XRCC4: variants seen among roughly 807,000 people sequenced by gnomAD.
The protein encoded by XRCC4 is DNA repair protein XRCC4.
XRCC4 carries 28 observed loss-of-function variants against 39.1 expected under a neutral mutation model. The observed-to-expected ratio is 0.72, with a 90% confidence interval of 0.53 to 0.98. XRCC4 has a LOEUF of 0.98. Ranked by LOEUF, XRCC4 falls within the 50% of genes least tolerant of loss-of-function variation. XRCC4 has a pLI of 0.00. For synonymous variants in XRCC4, 123 were observed against 126.4 expected (o/e 0.97, Z 0.18); for missense variants, 350 against 376.4 (o/e 0.93, Z 0.58).
At chr5:83,364,809 G>T in the XRCC4 span, among the ~76,000 whole-genome samples, 4 of 152,210 alleles carry the variant, frequency 2.6e-5, no homozygotes, top group African/African-American at 9.6e-5. Flanking sequence ...AAAGCAGGAC[G>T]CTGACTTTGA....
chr5:83,156,500 C>T (rs1482804037), intron 3 of XRCC4, among the ~76,000 whole-genome samples: 2 of 151,870 alleles, frequency 1.3e-5, no homozygotes. Context: ...TTGTGATAAT[C>T]GTATTTCATT....
At chr5:83,288,148 C>A (rs1185486678) in intron 7 of XRCC4, among the ~76,000 whole-genome samples, 1 of 151,784 alleles carries the variant, frequency 6.6e-6, no homozygotes, top group Non-Finnish European at 1.5e-5. Context: ...TTTATGATTT[C>A]TATTCTTAAT....
intron 3 of XRCC4, among the ~76,000 whole-genome samples, chr5:83,183,642 G>C (rs1750305807): frequency 6.6e-6 from 1 of 151,998 alleles, no homozygotes; most frequent in African/African-American, 2.4e-5. Flanking sequence ...ATTTTTGTTT[G>C]TTTGTTTTGT....
intron 4 of XRCC4, among the ~76,000 whole-genome samples, chr5:83,200,841 G>GT (rs997630202): frequency 6.6e-6 from 1 of 151,974 alleles, no homozygotes; most frequent in African/African-American, 2.4e-5. Context: ...TTTTTGTTGT[G>GT]TTTTTTTGAA....
chr5:83,244,693 T>C (rs540119733), intron 6 of XRCC4, among the ~76,000 whole-genome samples: 217 of 152,252 alleles, frequency 1.4e-3, no homozygotes, highest in African/African-American at 4.9e-3. Flanking sequence ...ATGAGGTCAT[T>C]GTGGTCTGCC....
intron 1 of XRCC4, among the ~76,000 whole-genome samples, chr5:83,091,112 C>A (rs1352769512): frequency 6.6e-6 from 1 of 152,112 alleles, no homozygotes; most frequent in Non-Finnish European, 1.5e-5. Context: ...ACTTATTTCT[C>A]ATATATAACT....
chr5:83,226,688 C>T (rs186702161), intron 6 of XRCC4, among the ~76,000 whole-genome samples: 2 of 152,020 alleles, frequency 1.3e-5, no homozygotes, highest in Non-Finnish European at 2.9e-5. Flanking sequence ...GATCTGTGCC[C>T]GAATTTATCT....
rs183094740 is a variant in XRCC4, at chr5:83,186,033, A to G, written c.316-9737A>G. ...GACAAACACTTTCTGAACTCTTACT[A>G]TGAGCATAGAGCTTATGCTTGGGGT... On this transcript the variant is annotated intron_variant, in intron 3 of 7. Coordinates refer to ENST00000396027, the MANE Select transcript of XRCC4 (RefSeq NM_003401.5). Among the ~76,000 whole-genome samples, 62 of 152,290 alleles carry G rather than the reference A, an allele frequency of 4.1e-4. No homozygotes were observed. In the East Asian group the frequency reaches 0.01, roughly 26 times the overall value.
At chr5:83,365,834 G>A in the XRCC4 span, among the ~76,000 whole-genome samples, 18 of 152,274 alleles carry the variant, frequency 1.2e-4, no homozygotes, top group African/African-American at 2.6e-4. Flanking sequence ...TGATCTTTCC[G>A]ATAGCTTCAT....
intron 6 of XRCC4, among the ~76,000 whole-genome samples, chr5:83,238,967 A>G (rs1484623246): frequency 1.3e-5 from 2 of 152,214 alleles, no homozygotes; most frequent in Non-Finnish European, 2.9e-5. Context: ...CTCTTTAGAA[A>G]AGATGTTTAA....
At chr5:83,292,420 G>A in intron 7 of XRCC4, among the ~76,000 whole-genome samples, 1 of 151,912 alleles carries the variant, frequency 6.6e-6, no homozygotes, top group South Asian at 2.1e-4. Context: ...TTCTGCTGAA[G>A]AATTCAGTGT....
intron 3 of XRCC4, among the ~76,000 whole-genome samples, chr5:83,131,572 T>C (rs964934220): frequency 3.3e-5 from 5 of 152,212 alleles, no homozygotes; most frequent in African/African-American, 4.8e-5. Flanking sequence ...CTGTATTGGG[T>C]GAATATACAT....
chr5:83,248,249 A>T (rs1199613846), intron 6 of XRCC4, among the ~76,000 whole-genome samples: 2 of 152,208 alleles, frequency 1.3e-5, no homozygotes, highest in Non-Finnish European at 2.9e-5. Flanking sequence ...ATGACATTTT[A>T]AAAAATACTT....
intron 7 of XRCC4, among the ~76,000 whole-genome samples, chr5:83,333,371 T>G (rs900359905): frequency 6.6e-6 from 1 of 152,202 alleles, no homozygotes; most frequent in African/African-American, 2.4e-5. Flanking sequence ...GTCCTTTTAT[T>G]TATCTTCTGC....
intron 7 of XRCC4, among the ~76,000 whole-genome samples, chr5:83,276,492 G>C (rs1405506683): frequency 7.3e-6 from 1 of 136,322 alleles, no homozygotes; most frequent in Non-Finnish European, 1.5e-5. Flanking sequence ...GAATGAGGCT[G>C]ATGGCTTTAT....
At chr5:83,258,712 G>A (rs760095737) in intron 7 of XRCC4, 35 bp downstream of exon 7, 1 of 1,592,878 alleles carries the variant, frequency 6.3e-7, no homozygotes, top group Non-Finnish European at 8.5e-7. Context: ...GAAGTGAGAT[G>A]ACATTTTTGA....
chr5:83,323,558 A>C (rs986352997), intron 7 of XRCC4, among the ~76,000 whole-genome samples: 2 of 152,008 alleles, frequency 1.3e-5, no homozygotes, highest in African/African-American at 4.8e-5. Context: ...ATAAAGCAAC[A>C]GTTTTAATAA....
chr5:83,139,413 G>A (rs1221002065), intron 3 of XRCC4, among the ~76,000 whole-genome samples: 1 of 152,078 alleles, frequency 6.6e-6, no homozygotes, highest in Non-Finnish European at 1.5e-5. Flanking sequence ...ACTTGCTTGA[G>A]GTTTTGTTTG....
intron 7 of XRCC4, among the ~76,000 whole-genome samples, chr5:83,280,840 G>A (rs1754511589): frequency 6.6e-6 from 1 of 152,136 alleles, no homozygotes; most frequent in Non-Finnish European, 1.5e-5. Context: ...TTGTAAACTG[G>A]CATAGAAAGC....
Sources: gnomAD v4.1 joint callset for allele counts (sites outside exome capture counted in the v4.1 genomes callset) on GRCh38, gnomAD v4.1.1 for gene constraint, MANE v1.5 for transcripts, NCBI Gene and HGNC (gene_info 2026-07-23, HGNC 2026-07-21) for gene names.